Variants in KRT8 observed in about 807,000 individuals in gnomAD.
The protein encoded by KRT8 is keratin, type II cytoskeletal 8.
Under a neutral mutation model 43.0 loss-of-function variants are expected in KRT8, and 24 were observed. That is an observed-to-expected ratio of 0.56 (90% CI 0.40 to 0.78). The LOEUF (loss-of-function observed/expected upper bound fraction) is 0.78. KRT8 is among the 30% of genes least tolerant of loss of function. The pLI is 0.00. For synonymous variants in KRT8, 214 were observed against 261.2 expected, an observed-to-expected ratio of 0.82 and a Z score of 1.74; for missense variants, 492 against 638.4, an observed-to-expected ratio of 0.77 and a Z score of 2.47.
At chr12:52,898,957 G>C in intron 5 of KRT8, 58 bp from the exon 6 acceptor site, 1 of 1,492,574 alleles carries the variant, frequency 6.7e-7, no homozygotes, top group Non-Finnish European at 9.2e-7. Context: ...CTTCTCCCGT[G>C]CTCCCACCCT....
At chr12:52,905,488 A>G (rs1941493794), upstream of KRT8, among the ~76,000 whole-genome samples, 1 of 152,000 alleles carries the variant, frequency 6.6e-6, no homozygotes, top group African/African-American at 2.4e-5. Context: ...AGCTGCCGAC[A>G]CCCCAGAGAA....
Position 52,918,872 on chromosome 12 carries a change from T to G in KRT8, c.-46-13845A>C, listed in dbSNP as rs569825401. On this transcript the variant is annotated intron_variant, in intron 2 of 6. Transcript: ENST00000546826. ...TGTGTTCACATCACTTTGATACATT[T>G]GCCTTGTGAGAGTTTAAGCCTTGTG... Among the ~76,000 whole-genome samples the G allele has an allele frequency of 2.0e-5, 3 of 152,210 alleles. No homozygotes were observed. In the South Asian group the frequency reaches 6.2e-4, roughly 32 times the overall value.
intron 2 of KRT8, among the ~76,000 whole-genome samples, chr12:52,941,553 A>G (rs139879497): frequency 0.085 from 10,624 of 125,088 alleles, 1,600 homozygotes; most frequent in African/African-American, 0.31. Flanking sequence ...CAATGGCGTG[A>G]TCTCAGCTCA....
intron 2 of KRT8, among the ~76,000 whole-genome samples, chr12:52,942,658 C>G (rs2120736650): frequency 6.6e-6 from 1 of 152,288 alleles, no homozygotes. Flanking sequence ...TTTAAGGCTT[C>G]TTTGTCCCTG....
chr12:52,918,174 G>GGAAGAGGAAGAAGAAGAA, intron 2 of KRT8, among the ~76,000 whole-genome samples: 1 of 33,124 alleles, frequency 3.0e-5, no homozygotes, highest in African/African-American at 1.6e-4. Flanking sequence ...AAGAAGAAGA[G>GGAAGAGGAAGAAGAAGAA]GAAGAGGAAG....
chr12:52,936,268 A>T (rs995243925), intron 2 of KRT8, among the ~76,000 whole-genome samples: 5 of 152,064 alleles, frequency 3.3e-5, no homozygotes, highest in African/African-American at 1.2e-4. Context: ...ACAAAAAAAA[A>T]ATTCTAAATA....
chr12:52,926,539 A>T (rs938584613), intron 2 of KRT8: 22 of 1,290,576 alleles, frequency 1.7e-5, no homozygotes, highest in Middle Eastern at 3.6e-4. Flanking sequence ...GGCCACTCCT[A>T]TAGAGACCCC....
intron 2 of KRT8, among the ~76,000 whole-genome samples, chr12:52,935,750 C>T (rs1331125236): frequency 6.6e-6 from 1 of 151,724 alleles, no homozygotes; most frequent in Admixed American, 6.6e-5. Context: ...CTCAAGCAAT[C>T]CTCCTGCCTC....
chr12:52,946,364 C>G (rs1454946710), intron 2 of KRT8, among the ~76,000 whole-genome samples: 1 of 152,148 alleles, frequency 6.6e-6, no homozygotes, highest in Non-Finnish European at 1.5e-5. Flanking sequence ...TATATTGAAG[C>G]CTTCCTTACT....
chr12:52,928,052 C>T lies in KRT8; in HGVS notation c.-47+21404G>A, dbSNP rs184713366. On this transcript the variant is annotated intron_variant, in intron 2 of 6. Coordinates refer to the KRT8 transcript ENST00000546826. ...CAGGCTGGGCAACAAAAGCAAGACT[C>T]TGTCTCAAAAACAAAAACAAAAACA... is the stretch of plus-strand genomic sequence containing the variant. 3.3e-5 allele frequency among the ~76,000 whole-genome samples: 5 copies of T among 152,248 alleles called. No homozygotes were observed. The East Asian group carries it at 9.7e-4, about 29-fold the overall frequency.
chr12:52,941,645 C>T (rs1592188347), intron 2 of KRT8, among the ~76,000 whole-genome samples: 1 of 151,962 alleles, frequency 6.6e-6, no homozygotes, highest in African/African-American at 2.4e-5. Context: ...TGTGCCACCA[C>T]GCCCAGCTAA....
chr12:52,898,884 C>A (rs770608691), exon 6 of KRT8: 3 of 1,613,424 alleles, frequency 1.9e-6, no homozygotes, highest in East Asian at 4.5e-5. Context: ...GCAATGGCGG[C>A]CTCCAGGGAA....
intron 2 of KRT8, among the ~76,000 whole-genome samples, chr12:52,935,562 AGG>A (rs1942157539): frequency 6.6e-6 from 1 of 151,212 alleles, no homozygotes; most frequent in Non-Finnish European, 1.5e-5. Context: ...AAAAAGAAAA[AGG>A]AAAACCGTTC....
intron 2 of KRT8, among the ~76,000 whole-genome samples, chr12:52,936,916 G>A (rs1907670): frequency 0.028 from 4,318 of 152,220 alleles, 90 homozygotes; most frequent in Non-Finnish European, 0.046. Flanking sequence ...AAGACATTAA[G>A]AGAATGAAAA....
At chr12:52,919,315 T>C (rs1246599105) in intron 2 of KRT8, among the ~76,000 whole-genome samples, 1 of 152,108 alleles carries the variant, frequency 6.6e-6, no homozygotes, top group African/African-American at 2.4e-5. Context: ...CAGTCTGGAG[T>C]GCATGTAGTG....
In KRT8 at chr12:52,936,109, G is replaced by A. The variant is rs528166578; in HGVS notation, c.-47+13347C>T. On this transcript the variant is annotated intron_variant, in intron 2 of 6. Coordinates refer to the KRT8 transcript ENST00000546826. ...TGTACTCAAAATACAAAAATTAGCC[G>A]GGCATGGTGGCACACACCTGTAATC... Among the ~76,000 whole-genome samples the A allele has an allele frequency of 9.9e-4, 151 of 152,050 alleles. 1 individual carries two copies. The highest frequency in any genetic ancestry group is 5.4e-3 in the South Asian group (26 of 4,808).
intron 2 of KRT8, among the ~76,000 whole-genome samples, chr12:52,930,422 T>C (rs1050861134): frequency 6.6e-6 from 1 of 152,224 alleles, no homozygotes; most frequent in African/African-American, 2.4e-5. Context: ...GGTTTCTCCA[T>C]GTTGGTCAGG....
chr12:52,904,035 C>T (rs554198925), intron 1 of KRT8, among the ~76,000 whole-genome samples: 2 of 152,038 alleles, frequency 1.3e-5, no homozygotes, highest in South Asian at 4.2e-4. Context: ...CTCAGGCCTC[C>T]GGGCGCCAAA....
At chr12:52,901,985 T>A in exon 2 of KRT8, 1 of 1,604,382 alleles carries the variant, frequency 6.2e-7, no homozygotes, top group Admixed American at 1.7e-5. Flanking sequence ...TCGAACATGT[T>A]GTCCATGTTG....
Sources: allele counts gnomAD v4.1 joint callset (sites outside exome capture counted in the v4.1 genomes callset), GRCh38; gene constraint gnomAD v4.1.1; transcripts MANE v1.5; gene names NCBI Gene and HGNC (gene_info 2026-07-23, HGNC 2026-07-21).